ZBTB20: variants seen among roughly 807,000 people sequenced by gnomAD.
The protein encoded by ZBTB20 is zinc finger and BTB domain containing 20.
ZBTB20 carries 9 observed loss-of-function variants against 56.9 expected under a neutral mutation model. The ratio of observed to expected loss-of-function variants is 0.16; its 90% CI spans 0.10 to 0.28. ZBTB20 has a LOEUF of 0.28. ZBTB20 is among the 10% of genes least tolerant of loss of function. The pLI is 1.00. For synonymous variants in ZBTB20, 417 were observed against 420.7 expected (o/e 0.99, Z 0.11); for missense variants, 655 against 1,003.0 (o/e 0.65, Z 4.69).
At chr3:114,491,955 T>G (rs969695133) in intron 7 of ZBTB20, among the ~76,000 whole-genome samples, 87 of 152,158 alleles carry the variant, frequency 5.7e-4, no homozygotes, top group African/African-American at 2.1e-3. Context: ...AAGCAATATA[T>G]ATTTGTTAGT....
At chr3:114,706,455 T>C (rs570078457) in intron 5 of ZBTB20, among the ~76,000 whole-genome samples, 1 of 152,186 alleles carries the variant, frequency 6.6e-6, no homozygotes, top group Non-Finnish European at 1.5e-5. Context: ...CATGTAAAAG[T>C]GGAAATAAAA....
intron 7 of ZBTB20, among the ~76,000 whole-genome samples, chr3:114,393,177 T>C (rs1011252323): frequency 6.6e-6 from 1 of 152,196 alleles, no homozygotes; most frequent in Non-Finnish European, 1.5e-5. Flanking sequence ...GAGCTCTTCA[T>C]TGTTCTTTCT....
Position 114,331,503 on chromosome 3 carries a change from C to T in ZBTB20, c.*7502G>A, listed in dbSNP as rs1381747035. On this transcript the variant is annotated 3_prime_UTR_variant, in exon 12 of 12. Coordinates refer to ENST00000675478, the MANE Select transcript of ZBTB20 (RefSeq NM_001348800.3). ...GGGAAGAGGCAACTGTATCTATGCA[C>T]GAGGACCTCTGCCTGTGTGTGCTTC... 4.6e-5 allele frequency: 7 copies of T among 152,174 alleles called. No homozygotes were observed. Among genetic ancestry groups the T allele is most frequent in the African/African-American group, 9.7e-5 (4 of 41,448 alleles). 9.4% of individuals were successfully genotyped at this position (152,174 alleles called of 1,614,324 possible).
chr3:114,652,900 T>A (rs2060207612), intron 6 of ZBTB20, among the ~76,000 whole-genome samples: 1 of 151,952 alleles, frequency 6.6e-6, no homozygotes, highest in African/African-American at 2.4e-5. Flanking sequence ...ATGTCTTATA[T>A]TTATAGGCTA....
chr3:114,717,543 A>C (rs1335017357), intron 5 of ZBTB20, among the ~76,000 whole-genome samples: 1 of 152,104 alleles, frequency 6.6e-6, no homozygotes, highest in Non-Finnish European at 1.5e-5. Context: ...GAGGCAGATA[A>C]ACAAAATGCC....
intron 6 of ZBTB20, among the ~76,000 whole-genome samples, chr3:114,632,137 T>C (rs1046207499): frequency 6.6e-6 from 1 of 152,200 alleles, no homozygotes; most frequent in Admixed American, 6.5e-5. Flanking sequence ...CTCACTATTA[T>C]GGAAGGGGTC....
At chr3:114,443,484 C>A (rs541899764) in intron 7 of ZBTB20, among the ~76,000 whole-genome samples, 1 of 152,254 alleles carries the variant, frequency 6.6e-6, no homozygotes, top group East Asian at 1.9e-4. Flanking sequence ...GTGGGTCAGG[C>A]ACTGGCCATA....
intron 3 of ZBTB20, among the ~76,000 whole-genome samples, chr3:114,933,314 T>C (rs529899479): frequency 5.3e-5 from 8 of 152,348 alleles, no homozygotes; most frequent in African/African-American, 1.9e-4. Flanking sequence ...AACAAGTTAC[T>C]GCTATGGGAA....
At chr3:114,468,632 A>G (rs1455172880) in intron 7 of ZBTB20, among the ~76,000 whole-genome samples, 1 of 152,114 alleles carries the variant, frequency 6.6e-6, no homozygotes, top group African/African-American at 2.4e-5. Flanking sequence ...ACAATCACCT[A>G]TTTTTGGACA....
chr3:114,373,976 T>A (rs1048263446), intron 10 of ZBTB20, among the ~76,000 whole-genome samples: 2 of 152,152 alleles, frequency 1.3e-5, no homozygotes, highest in Non-Finnish European at 2.9e-5. Flanking sequence ...TGTGCTTTTT[T>A]AAAATAAGTG....
At chr3:115,094,406 C>T (rs2083305106) in intron 1 of ZBTB20, among the ~76,000 whole-genome samples, 1 of 151,926 alleles carries the variant, frequency 6.6e-6, no homozygotes, top group Admixed American at 6.6e-5. Flanking sequence ...CATTTTCTCA[C>T]TGTTTAAATG....
At chr3:114,953,434 C>A (rs1023212331) in intron 3 of ZBTB20, among the ~76,000 whole-genome samples, 1 of 150,836 alleles carries the variant, frequency 6.6e-6, no homozygotes, top group Non-Finnish European at 1.5e-5. Context: ...ATTATCAGAA[C>A]GGATTTTTTT....
chr3:114,694,586 T>C (rs79616454), intron 5 of ZBTB20, among the ~76,000 whole-genome samples: 8,724 of 152,050 alleles, frequency 0.057, 334 homozygotes, highest in Middle Eastern at 0.14. Flanking sequence ...CTAGGACTTA[T>C]ATAAACAAAA....
intron 6 of ZBTB20, among the ~76,000 whole-genome samples, chr3:114,556,549 T>C (rs1225993045): frequency 6.6e-6 from 1 of 151,992 alleles, no homozygotes; most frequent in African/African-American, 2.4e-5. Context: ...ACTAAATAAA[T>C]GAAGAAAATG....
chr3:115,063,373 C>T (rs1445513781), intron 2 of ZBTB20, among the ~76,000 whole-genome samples: 1 of 152,102 alleles, frequency 6.6e-6, no homozygotes, highest in Non-Finnish European at 1.5e-5. Flanking sequence ...TTGATGAATG[C>T]CTTTGTCCTG....
chr3:114,488,209 G>T (rs991038804), intron 7 of ZBTB20, among the ~76,000 whole-genome samples: 1 of 152,326 alleles, frequency 6.6e-6, no homozygotes, highest in East Asian at 1.9e-4. Flanking sequence ...GGTAGGTGTT[G>T]CCATCAGAGC....
intron 7 of ZBTB20, among the ~76,000 whole-genome samples, chr3:114,418,793 T>C (rs1350623253): frequency 6.6e-6 from 1 of 152,064 alleles, no homozygotes; most frequent in African/African-American, 2.4e-5. Context: ...TAATGGGAAT[T>C]TTTCATACAC....
At chr3:114,798,356 A>AC (rs3086013) in intron 5 of ZBTB20, among the ~76,000 whole-genome samples, 3 of 150,468 alleles carry the variant, frequency 2.0e-5, no homozygotes, top group Non-Finnish European at 4.5e-5. Context: ...AAACAAAAAA[A>AC]AACACACAAA....
intron 5 of ZBTB20, among the ~76,000 whole-genome samples, chr3:114,723,579 C>T (rs1221864736): frequency 6.6e-6 from 1 of 152,160 alleles, no homozygotes; most frequent in Non-Finnish European, 1.5e-5. Flanking sequence ...TGTAAAAAAT[C>T]AGCCTCCAGC....
Sources: allele counts gnomAD v4.1 joint callset (sites outside exome capture counted in the v4.1 genomes callset), GRCh38; gene constraint gnomAD v4.1.1; transcripts MANE v1.5; gene names NCBI Gene and HGNC (gene_info 2026-07-23, HGNC 2026-07-21).